HTT-AS: variants seen among roughly 807,000 people sequenced by gnomAD.
The protein encoded by HTT-AS is HTT antisense RNA (head to head).
At chr4:3,049,780 T>C (rs1389788112) in intron 2 of HTT-AS, among the ~76,000 whole-genome samples, 2 of 152,158 alleles carry the variant, frequency 1.3e-5, no homozygotes, top group African/African-American at 4.8e-5. Context: ...ACATCAGCCC[T>C]CTTAACATGC....
intron 2 of HTT-AS, among the ~76,000 whole-genome samples, chr4:3,056,734 T>C (rs925208074): frequency 2.0e-5 from 3 of 152,132 alleles, no homozygotes; most frequent in African/African-American, 7.2e-5. Flanking sequence ...GTATTTCCTT[T>C]TCTTTTCTTT....
rs985477662 is a variant in HTT-AS, at chr4:3,073,869, T to C, written n.113+557A>G. Among the ~76,000 whole-genome samples, 3 of 152,154 alleles carry C rather than the reference T, an allele frequency of 2.0e-5. No homozygotes were observed. The East Asian group carries it at 5.8e-4, about 29-fold the overall frequency. On this transcript the variant is annotated intron_variant and non_coding_transcript_variant, in intron 1 of 2. Transcript: ENST00000664062. Reference sequence around the variant, plus strand: ...AGGGCTGTCCGGGTGAGTATGGCTCTGGCCACGGGCCAGTGTGGCGGGAGG... The same window carrying C: ...AGGGCTGTCCGGGTGAGTATGGCTCCGGCCACGGGCCAGTGTGGCGGGAGG...
intron 2 of HTT-AS, among the ~76,000 whole-genome samples, chr4:3,057,227 GT>G (rs1330107622): frequency 1.3e-5 from 2 of 152,034 alleles, no homozygotes; most frequent in Non-Finnish European, 2.9e-5. Context: ...TAGAGACGGG[GT>G]TTCACCGTGT....
rs57430954 is a variant in HTT-AS, at chr4:3,049,906, T to TCACACA, written n.1381-214_1381-209dup. 3.5e-3 allele frequency among the ~76,000 whole-genome samples: 468 copies of TCACACA among 134,702 alleles called. 2 individuals carry two copies. Among genetic ancestry groups the TCACACA allele is most frequent in the Middle Eastern group, 0.011 (3 of 262 alleles). The allele number at this position is 134,702 out of a possible 152,430, so 88.4% of individuals were successfully genotyped here. Reference sequence around the variant, plus strand: ...AACTATTTTAGCAATTTGTAAGTTATCACACACACACACACACACACACAC... The same window carrying TCACACA: ...AACTATTTTAGCAATTTGTAAGTTATCACACACACACACACACACACACACACACAC... On this transcript the variant is annotated intron_variant and non_coding_transcript_variant, in intron 2 of 2. Transcript: ENST00000664062.
At chr4:3,053,328 T>A (rs1405102114) in intron 2 of HTT-AS, among the ~76,000 whole-genome samples, 1 of 151,926 alleles carries the variant, frequency 6.6e-6, no homozygotes, top group African/African-American at 2.4e-5. Context: ...AGGTCAGGAG[T>A]TCGAGACCAG....
chr4:3,054,802 C>A (rs915723386), intron 2 of HTT-AS, among the ~76,000 whole-genome samples: 2 of 151,602 alleles, frequency 1.3e-5, no homozygotes, highest in Non-Finnish European at 2.9e-5. Context: ...GCAACCTCTG[C>A]CCCCTGGGTT....
At chr4:3,060,370 A>G (rs1711901771) in intron 2 of HTT-AS, among the ~76,000 whole-genome samples, 2 of 152,070 alleles carry the variant, frequency 1.3e-5, no homozygotes, top group Non-Finnish European at 2.9e-5. Context: ...CCCAGGCTAG[A>G]GTTTGGTGGC....
intron 2 of HTT-AS, among the ~76,000 whole-genome samples, chr4:3,050,611 A>G (rs2110119946): frequency 6.6e-6 from 1 of 152,358 alleles, no homozygotes; most frequent in South Asian, 2.1e-4. Context: ...TTAAATAGTC[A>G]TAGTTAAAAA....
chr4:3,052,159 T>C (rs190098031), intron 2 of HTT-AS, among the ~76,000 whole-genome samples: 1 of 152,312 alleles, frequency 6.6e-6, no homozygotes, highest in East Asian at 1.9e-4. Flanking sequence ...GCTTAGGGAA[T>C]GAGTACTTTC....
At chr4:3,071,387 C>A (rs1258229986) in intron 1 of HTT-AS, among the ~76,000 whole-genome samples, 7 of 152,088 alleles carry the variant, frequency 4.6e-5, no homozygotes, top group Non-Finnish European at 1.0e-4. Flanking sequence ...TTCCAGGGAG[C>A]AGGAAAAAGG....
chr4:3,059,626 G>A (rs575136486), intron 2 of HTT-AS, among the ~76,000 whole-genome samples: 5 of 151,504 alleles, frequency 3.3e-5, no homozygotes, highest in South Asian at 2.1e-4. Flanking sequence ...GTCTCGCTCC[G>A]TCACCCAGGC....
intron 1 of HTT-AS, among the ~76,000 whole-genome samples, chr4:3,072,706 C>G (rs1712202886): frequency 6.6e-6 from 1 of 152,232 alleles, no homozygotes; most frequent in Admixed American, 6.5e-5. Flanking sequence ...TCTTGGCTCA[C>G]TGCAACCTCC....
At chr4:3,074,599 A>G (rs1161196381), upstream of HTT-AS, 13 of 394,142 alleles carry the variant, frequency 3.3e-5, 1 homozygote, top group South Asian at 7.0e-4. Flanking sequence ...GCTGTCAATC[A>G]TGCTGGCCGG....
At chr4:3,062,567 C>T (rs1393376280) in exon 2 of HTT-AS, among the ~76,000 whole-genome samples, 1 of 152,054 alleles carries the variant, frequency 6.6e-6, no homozygotes, top group Non-Finnish European at 1.5e-5. Flanking sequence ...CTCCCTTCGG[C>T]TCATTCTCGA....
chr4:3,052,279 G>T (rs1711717894), intron 2 of HTT-AS, among the ~76,000 whole-genome samples: 1 of 152,196 alleles, frequency 6.6e-6, no homozygotes, highest in South Asian at 2.1e-4. Flanking sequence ...ATAGTTTAAA[G>T]GCAGGAATAT....
At chr4:3,063,393 A>T (rs1163506190) in exon 2 of HTT-AS, 1 of 152,268 alleles carries the variant, frequency 6.6e-6, no homozygotes, top group Non-Finnish European at 1.5e-5. Context: ...TGCATACTGC[A>T]CCCCCAGGGG....
At chr4:3,047,164 A>G (rs557397651), downstream of HTT-AS, among the ~76,000 whole-genome samples, 7 of 152,238 alleles carry the variant, frequency 4.6e-5, no homozygotes, top group Middle Eastern at 3.4e-3. Flanking sequence ...ACAAAAAATT[A>G]GCCGGGCGTG....
chr4:3,057,913 A>C (rs1192576805), intron 2 of HTT-AS, among the ~76,000 whole-genome samples: 2 of 151,206 alleles, frequency 1.3e-5, no homozygotes, highest in Non-Finnish European at 1.5e-5. Flanking sequence ...GTGAGCCACC[A>C]CGCCCTGCTG....
chr4:3,068,861 G>T (rs557207611), intron 1 of HTT-AS, among the ~76,000 whole-genome samples: 2 of 152,028 alleles, frequency 1.3e-5, no homozygotes, highest in Non-Finnish European at 2.9e-5. Context: ...CTCCATGTTG[G>T]CCAGGCTGGT....
Sources: allele counts gnomAD v4.1 joint callset (sites outside exome capture counted in the v4.1 genomes callset), GRCh38; gene constraint gnomAD v4.1.1; transcripts MANE v1.5; gene names NCBI Gene and HGNC (gene_info 2026-07-23, HGNC 2026-07-21).